Variants in EPHA5 observed in about 807,000 individuals in gnomAD.
EPHA5 encodes EPH receptor A5.
In EPHA5, 60 loss-of-function variants were observed where a neutral mutation model predicts 105.0. The ratio of observed to expected loss-of-function variants is 0.57; its 90% CI spans 0.46 to 0.71. The LOEUF is 0.71. Among genes scored for constraint, EPHA5 ranks in the 30% least tolerant of loss-of-function variants. EPHA5 has a pLI of 0.00. For missense variants in EPHA5, 1,218 were observed against 1,274.7 expected, an observed-to-expected ratio of 0.96 and a Z score of 0.68; for synonymous variants, 513 against 449.1, an observed-to-expected ratio of 1.14 and a Z score of -1.80.
intron 3 of EPHA5, among the ~76,000 whole-genome samples, chr4:65,581,051 C>T (rs1000240006): frequency 6.6e-6 from 1 of 151,730 alleles, no homozygotes; most frequent in Non-Finnish European, 1.5e-5. Flanking sequence ...AGCTTAGAAA[C>T]CTAATTACTA....
intron 5 of EPHA5, among the ~76,000 whole-genome samples, chr4:65,456,226 A>G (rs1166631118): frequency 3.3e-5 from 5 of 152,184 alleles, no homozygotes; most frequent in Non-Finnish European, 5.9e-5. Context: ...TTTCTATTGC[A>G]GAGGCAGATC....
At chr4:65,507,566 T>C (rs1234288322) in intron 3 of EPHA5, among the ~76,000 whole-genome samples, 1 of 152,158 alleles carries the variant, frequency 6.6e-6, no homozygotes, top group Admixed American at 6.6e-5. Context: ...GTAGTTCTCC[T>C]TGAAGAGGTC....
At chr4:65,499,543 T>A (rs1489350203) in intron 3 of EPHA5, among the ~76,000 whole-genome samples, 2 of 151,586 alleles carry the variant, frequency 1.3e-5, no homozygotes, top group African/African-American at 4.8e-5. Flanking sequence ...ATGAAAACTA[T>A]TTTTGTTGAG....
At chr4:65,427,261 T>C (rs1243054019) in intron 5 of EPHA5, among the ~76,000 whole-genome samples, 2 of 147,986 alleles carry the variant, frequency 1.4e-5, no homozygotes, top group Non-Finnish European at 3.0e-5. Context: ...CTCTGCTCAC[T>C]GCAACCTCTG....
chr4:65,508,301 A>G (rs971668724), intron 3 of EPHA5, among the ~76,000 whole-genome samples: 6 of 152,160 alleles, frequency 3.9e-5, no homozygotes, highest in African/African-American at 1.4e-4. Context: ...CGGTCATAAA[A>G]TAAGTCCAGC....
At chr4:65,569,246 T>C (rs543167812) in intron 3 of EPHA5, among the ~76,000 whole-genome samples, 1 of 151,580 alleles carries the variant, frequency 6.6e-6, no homozygotes, top group Non-Finnish European at 1.5e-5. Flanking sequence ...CCAAATCCAG[T>C]AAATAATGTT....
intron 7 of EPHA5, among the ~76,000 whole-genome samples, chr4:65,404,961 C>A (rs946080392): frequency 2.0e-5 from 3 of 152,006 alleles, no homozygotes; most frequent in Non-Finnish European, 4.4e-5. Flanking sequence ...AATAATGTGA[C>A]TATGACCTCA....
intron 12 of EPHA5, 31 bp from the exon 13 acceptor site, chr4:65,351,629 G>C (rs2148856249): frequency 6.3e-7 from 1 of 1,594,178 alleles, no homozygotes; most frequent in Non-Finnish European, 8.6e-7. Context: ...TATTAGTCTA[G>C]CAACACCAAT....
intron 2 of EPHA5, among the ~76,000 whole-genome samples, chr4:65,603,035 T>C (rs1245093106): frequency 1.3e-5 from 2 of 152,090 alleles, no homozygotes; most frequent in Non-Finnish European, 2.9e-5. Flanking sequence ...CCTTGTCATT[T>C]TGAATATTAG....
At chr4:65,384,296 A>G (rs1269972670) in intron 8 of EPHA5, among the ~76,000 whole-genome samples, 1 of 151,980 alleles carries the variant, frequency 6.6e-6, no homozygotes, top group African/African-American at 2.4e-5. Flanking sequence ...TTAAGCAGAG[A>G]TAATTTTATC....
chr4:65,465,756 G>A (rs1217713041), intron 5 of EPHA5, among the ~76,000 whole-genome samples: 1 of 152,110 alleles, frequency 6.6e-6, no homozygotes, highest in Non-Finnish European at 1.5e-5. Flanking sequence ...ATGAGGAAAA[G>A]ATCCCCGCTT....
Position 65,321,657 on chromosome 4 carries a change from C to G in EPHA5, c.*2457G>C, listed in dbSNP as rs1453845933. 2 of 228,834 alleles carry G rather than the reference C, an allele frequency of 8.7e-6. No individual in the cohort carries two copies. Among genetic ancestry groups the G allele is most frequent in the Non-Finnish European group, 1.7e-5 (2 of 115,350 alleles). The allele number at this position is 228,834 out of a possible 1,614,324, so 14.2% of individuals were successfully genotyped here. A position where few individuals can be genotyped will look rare whatever the true frequency, so the allele number is the denominator to read the frequency against. Reference sequence around the variant, plus strand: ...ATGATCACCAAGATTGCAAAGAAGGCAAATAAATTTGATCCAAATTAATTT... The same window carrying G: ...ATGATCACCAAGATTGCAAAGAAGGGAAATAAATTTGATCCAAATTAATTT... On this transcript the variant is annotated 3_prime_UTR_variant, in exon 17 of 17. Coordinates refer to ENST00000613740, the MANE Select transcript of EPHA5 (RefSeq NM_001281766.3).
intron 1 of EPHA5, among the ~76,000 whole-genome samples, chr4:65,647,951 A>T: frequency 6.6e-6 from 1 of 152,214 alleles, no homozygotes; most frequent in East Asian, 1.9e-4. Flanking sequence ...ACTTAACTGA[A>T]TGCCCAACCA....
intron 5 of EPHA5, among the ~76,000 whole-genome samples, chr4:65,468,678 A>ATTATATATATATAATATATAT (rs1560572066): frequency 7.6e-6 from 1 of 132,274 alleles, no homozygotes; most frequent in African/African-American, 2.8e-5. Context: ...TAACATATAT[A>ATTATATATATATAATATATAT]CATATATATA....
intron 5 of EPHA5, among the ~76,000 whole-genome samples, chr4:65,476,638 C>T (rs1355265514): frequency 6.6e-6 from 1 of 152,102 alleles, no homozygotes; most frequent in African/African-American, 2.4e-5. Context: ...GTAGTATGCT[C>T]ACTATCTCAA....
intron 7 of EPHA5, among the ~76,000 whole-genome samples, 165 bp from the exon 8 acceptor site, chr4:65,404,644 C>G (rs1306112843): frequency 6.6e-6 from 1 of 152,170 alleles, no homozygotes; most frequent in Non-Finnish European, 1.5e-5. Context: ...ATTGAAAAGT[C>G]ATCTATAATA....
chr4:65,612,481 G>A (rs1480930144), intron 2 of EPHA5, among the ~76,000 whole-genome samples: 2 of 152,132 alleles, frequency 1.3e-5, no homozygotes, highest in Admixed American at 6.6e-5. Context: ...TCCCATTCAT[G>A]TTTCTGCAAA....
At chr4:65,330,166 T>C (rs1720471449) in intron 16 of EPHA5, among the ~76,000 whole-genome samples, 1 of 151,426 alleles carries the variant, frequency 6.6e-6, no homozygotes. Context: ...AATGTAACTT[T>C]ACTCTTCTGG....
At chr4:65,576,058 G>A (rs1215176497) in intron 3 of EPHA5, among the ~76,000 whole-genome samples, 1 of 50,814 alleles carries the variant, frequency 2.0e-5, no homozygotes, top group Admixed American at 2.8e-4. Context: ...AAGAAAGAAA[G>A]AAAAGAAAAG....
Sources: gnomAD v4.1 joint callset for allele counts (sites outside exome capture counted in the v4.1 genomes callset) on GRCh38, gnomAD v4.1.1 for gene constraint, MANE v1.5 for transcripts, NCBI Gene and HGNC (gene_info 2026-07-23, HGNC 2026-07-21) for gene names.